Variants in NDST4 observed in about 807,000 individuals in gnomAD.
NDST4 encodes the protein N-deacetylase and N-sulfotransferase 4.
A neutral mutation model predicts 100.8 loss-of-function variants in NDST4; 63 were observed. The ratio of observed to expected loss-of-function variants is 0.62; its 90% confidence interval spans 0.51 to 0.77. The LOEUF is 0.77. NDST4 is among the 30% of genes least tolerant of loss of function. The pLI is 0.00. For missense variants in NDST4, 943 were observed against 1,018.4 expected, an observed-to-expected ratio of 0.93 and a Z score of 1.01; for synonymous variants, 377 against 361.8, an observed-to-expected ratio of 1.04 and a Z score of -0.48.
intron 1 of NDST4, among the ~76,000 whole-genome samples, chr4:115,091,116 C>A (rs560808437): frequency 9.9e-5 from 15 of 152,156 alleles, no homozygotes; most frequent in South Asian, 8.3e-4. Flanking sequence ...AAGAGAGGTA[C>A]AATATCTACA....
rs577665012 is a variant in NDST4 at position 114,906,191 on chromosome 4, A to T, written c.1536+29015T>A. On this transcript the variant is annotated intron_variant, in intron 6 of 13. Transcript: ENST00000264363. The stretch of plus-strand genomic sequence containing the variant: ...GCCTCATTTAGGAATTCTATATTAA[A>T]AAAACAAGGGAGAAAGATTGAAAAG... 2.0e-5 allele frequency among the ~76,000 whole-genome samples: 3 copies of T among 152,192 alleles called. No individual in the cohort carries two copies. The South Asian group carries it at 6.2e-4, about 31-fold the overall frequency.
intron 2 of NDST4, among the ~76,000 whole-genome samples, chr4:114,979,181 C>T (rs1327821374): frequency 1.3e-5 from 2 of 151,854 alleles, no homozygotes; most frequent in Non-Finnish European, 2.9e-5. Context: ...AATGCCATTT[C>T]CCAAATCCTA....
chr4:115,045,020 A>G (rs980876219), intron 2 of NDST4, among the ~76,000 whole-genome samples: 2 of 152,022 alleles, frequency 1.3e-5, no homozygotes, highest in African/African-American at 4.8e-5. Flanking sequence ...GCAAGTTGGT[A>G]GAGTAATTTT....
At chr4:115,027,899 C>CA in intron 2 of NDST4, among the ~76,000 whole-genome samples, 1 of 152,024 alleles carries the variant, frequency 6.6e-6, no homozygotes, top group African/African-American at 2.4e-5. Flanking sequence ...AATAAAAATA[C>CA]AAAAATAGCT....
chr4:114,904,716 A>C (rs1259576416), intron 6 of NDST4, among the ~76,000 whole-genome samples: 2 of 151,858 alleles, frequency 1.3e-5, no homozygotes, highest in East Asian at 3.9e-4. Context: ...TTTTACAGGG[A>C]ATAAGAGGTA....
In NDST4 at chr4:114,857,532, C is replaced by T. The variant is rs997985005; in HGVS notation, c.1720-4711G>A. ...TTAGTTTTGTGAAGGGTTTCTATAA[C>T]CTGCTGACAAAGAGGAGAAACCCAG... is the stretch of plus-strand genomic sequence containing the variant. On this transcript the variant is annotated intron_variant, in intron 7 of 13. Coordinates refer to ENST00000264363, the MANE Select transcript of NDST4 (RefSeq NM_022569.3). Among the ~76,000 whole-genome samples the T allele has an allele frequency of 4.6e-5, 7 of 152,162 alleles. No individual in the cohort carries two copies. In the East Asian group the frequency reaches 1.3e-3, roughly 29 times the overall value.
intron 4 of NDST4, among the ~76,000 whole-genome samples, chr4:114,959,343 C>T (rs1726209356): frequency 6.6e-6 from 1 of 151,310 alleles, no homozygotes; most frequent in South Asian, 2.1e-4. Context: ...ACTGTATTAG[C>T]TCATTTTCAT....
Position 114,979,241 on chromosome 4 carries a change from C to A in NDST4, c.979-1967G>T, listed in dbSNP as rs569971921. 5.3e-5 allele frequency among the ~76,000 whole-genome samples: 8 copies of A among 151,878 alleles called. No individual in the cohort carries two copies. The South Asian group carries it at 1.7e-3, about 32-fold the overall frequency. ...ATGTCAACTTTTTGTATAAAGCCTC[C>A]TCTGGTACACCAAAGTAGATTCCTA... On this transcript the variant is annotated intron_variant, in intron 2 of 13. Coordinates refer to ENST00000264363, the MANE Select transcript of NDST4 (RefSeq NM_022569.3).
intron 3 of NDST4, among the ~76,000 whole-genome samples, chr4:114,973,276 A>G (rs1726554849): frequency 6.6e-6 from 1 of 152,012 alleles, no homozygotes; most frequent in African/African-American, 2.4e-5. Context: ...ATTTTTCTAT[A>G]CCTAATATAT....
At chr4:114,986,647 T>C (rs1726907604) in intron 2 of NDST4, among the ~76,000 whole-genome samples, 1 of 151,762 alleles carries the variant, frequency 6.6e-6, no homozygotes, top group Non-Finnish European at 1.5e-5. Flanking sequence ...CTGTTTCCCA[T>C]GCTCTACTGA....
intron 6 of NDST4, among the ~76,000 whole-genome samples, chr4:114,908,030 T>C (rs915782812): frequency 2.0e-5 from 3 of 152,158 alleles, no homozygotes; most frequent in Admixed American, 6.5e-5. Context: ...TAACAAAATA[T>C]ATCCCTGGTG....
At chr4:114,857,058 C>T (rs918576816) in intron 7 of NDST4, among the ~76,000 whole-genome samples, 1 of 152,138 alleles carries the variant, frequency 6.6e-6, no homozygotes, top group Non-Finnish European at 1.5e-5. Context: ...GTACAAGCCA[C>T]CCTCACACTT....
intron 6 of NDST4, among the ~76,000 whole-genome samples, chr4:114,906,686 T>C (rs958273151): frequency 6.6e-6 from 1 of 152,044 alleles, no homozygotes; most frequent in African/African-American, 2.4e-5. Context: ...TTAAGAGATA[T>C]AGCTTATATA....
At chr4:114,930,497 T>C (rs1025020655) in intron 6 of NDST4, among the ~76,000 whole-genome samples, 6 of 152,228 alleles carry the variant, frequency 3.9e-5, no homozygotes, top group African/African-American at 1.4e-4. Context: ...AGTTTCTATT[T>C]TCATACAATG....
At chr4:114,902,550 G>C (rs1724867227) in intron 6 of NDST4, among the ~76,000 whole-genome samples, 1 of 151,926 alleles carries the variant, frequency 6.6e-6, no homozygotes, top group Non-Finnish European at 1.5e-5. Flanking sequence ...GTGTAATTTT[G>C]GGGGAGATTT....
At chr4:114,893,973 C>T (rs1578371041) in intron 6 of NDST4, among the ~76,000 whole-genome samples, 1 of 152,244 alleles carries the variant, frequency 6.6e-6, no homozygotes, top group Middle Eastern at 3.4e-3. Flanking sequence ...CCAGTTTTCC[C>T]AGCACCATTT....
At chr4:115,015,765 A>G (rs1578455384) in intron 2 of NDST4, among the ~76,000 whole-genome samples, 1 of 152,078 alleles carries the variant, frequency 6.6e-6, no homozygotes, top group African/African-American at 2.4e-5. Context: ...CCATGGTGGC[A>G]GGAATAAATG....
intron 2 of NDST4, among the ~76,000 whole-genome samples, chr4:115,046,384 A>T (rs2018124578): frequency 6.6e-6 from 1 of 152,124 alleles, no homozygotes; most frequent in African/African-American, 2.4e-5. Flanking sequence ...TTTACTAAAA[A>T]TCTCTGTAGT....
At chr4:114,934,798 TTAGA>T (rs1725592585) in intron 6 of NDST4, among the ~76,000 whole-genome samples, 1 of 152,052 alleles carries the variant, frequency 6.6e-6, no homozygotes, top group African/African-American at 2.4e-5. Context: ...AGTATGTTAA[TTAGA>T]TTGATTTAAT....
Sources: gnomAD v4.1 joint callset for allele counts (sites outside exome capture counted in the v4.1 genomes callset) on GRCh38, gnomAD v4.1.1 for gene constraint, MANE v1.5 for transcripts, NCBI Gene and HGNC (gene_info 2026-07-23, HGNC 2026-07-21) for gene names.